BLTP1: variants seen among roughly 807,000 people sequenced by gnomAD.
The protein encoded by BLTP1 is bridge-like lipid transfer protein family member 1, also known as fragile site-associated protein.
chr4:122,237,473 C>A, the BLTP1 span: 2 of 616,784 alleles, frequency 3.2e-6, no homozygotes, highest in Non-Finnish European at 4.1e-6. Context: ...ATGATACAGT[C>A]CCTGTCAACA....
At chr4:122,266,239 C>A in the BLTP1 span, among the ~76,000 whole-genome samples, 77 of 152,332 alleles carry the variant, frequency 5.1e-4, 1 homozygote, top group Non-Finnish European at 1.0e-3. Context: ...CCAGAATAAT[C>A]TATCTCCATA....
At chr4:122,330,591 AT>A in the BLTP1 span, among the ~76,000 whole-genome samples, 1 of 151,860 alleles carries the variant, frequency 6.6e-6, no homozygotes, top group East Asian at 1.9e-4. Context: ...GAATGCTAGG[AT>A]TTTGTTACAT....
At chr4:122,328,446 AAAC>A in the BLTP1 span, 3 of 1,204,632 alleles carry the variant, frequency 2.5e-6, no homozygotes, top group South Asian at 4.9e-5. Context: ...CTTTTACAAA[AAAC>A]ATTTTTAATG....
chr4:122,196,520 A>G, the BLTP1 span: 1 of 793,638 alleles, frequency 1.3e-6, no homozygotes, highest in South Asian at 1.9e-5. Context: ...AAACAGTCTA[A>G]TTGTCAAATG....
the BLTP1 span, chr4:122,215,666 T>G: frequency 1.6e-6 from 1 of 606,398 alleles, no homozygotes; most frequent in Non-Finnish European, 2.1e-6. Context: ...AACTACTGCT[T>G]TGAACATCTT....
At chr4:122,325,729 C>A in the BLTP1 span, 1 of 822,594 alleles carries the variant, frequency 1.2e-6, no homozygotes, top group East Asian at 6.6e-5. Context: ...AAGTTGTATT[C>A]TAATTTCATA....
chr4:122,232,753 A>G, the BLTP1 span, among the ~76,000 whole-genome samples: 1 of 152,186 alleles, frequency 6.6e-6, no homozygotes, highest in Non-Finnish European at 1.5e-5. Flanking sequence ...CCAGAGAGAA[A>G]GATTACCTCA....
the BLTP1 span, chr4:122,209,930 T>A: frequency 6.2e-7 from 1 of 1,611,360 alleles, no homozygotes; most frequent in Non-Finnish European, 8.5e-7. Context: ...ATCATGTAAG[T>A]GTTTTTATAT....
chr4:122,275,407 G>A, the BLTP1 span, among the ~76,000 whole-genome samples: 4 of 151,912 alleles, frequency 2.6e-5, no homozygotes, highest in African/African-American at 9.7e-5. Flanking sequence ...ATACTCTTTC[G>A]ACCTTATAAT....
chr4:122,279,696 T>G, the BLTP1 span: 2 of 1,456,832 alleles, frequency 1.4e-6, no homozygotes, highest in East Asian at 4.9e-5. Context: ...AGTATTTTTC[T>G]TGCTCTCAAT....
chr4:122,354,827 C>T, the BLTP1 span, among the ~76,000 whole-genome samples: 574 of 151,874 alleles, frequency 3.8e-3, 5 homozygotes, highest in African/African-American at 0.012. Flanking sequence ...CCACCACGCC[C>T]GGCTAATTTT....
chr4:122,328,757 G>A, the BLTP1 span: 3 of 983,282 alleles, frequency 3.1e-6, no homozygotes, highest in East Asian at 3.4e-4. Flanking sequence ...AGCAATGGAT[G>A]AAAGACTTAA....
At chr4:122,328,039 T>C in the BLTP1 span, 4 of 1,219,014 alleles carry the variant, frequency 3.3e-6, no homozygotes, top group African/African-American at 4.7e-5. Context: ...TGTTTAAATT[T>C]ATATATTTTT....
At chr4:122,271,468 C>G in the BLTP1 span, 1 of 1,613,378 alleles carries the variant, frequency 6.2e-7, no homozygotes, top group Non-Finnish European at 8.5e-7. Context: ...ATGAGAATAA[C>G]AAAAAGGAAT....
chr4:122,337,622 A>T, the BLTP1 span, among the ~76,000 whole-genome samples: 1 of 151,920 alleles, frequency 6.6e-6, no homozygotes, highest in African/African-American at 2.4e-5. Flanking sequence ...TTTAAGTTAA[A>T]ACCCTTTTTT....
At chr4:122,270,766 T>A in the BLTP1 span, among the ~76,000 whole-genome samples, 1 of 152,116 alleles carries the variant, frequency 6.6e-6, no homozygotes, top group African/African-American at 2.4e-5. Flanking sequence ...TGAAATCATT[T>A]CTTAACATAA....
the BLTP1 span, chr4:122,152,525 C>T: frequency 1.0e-6 from 1 of 985,950 alleles, no homozygotes; most frequent in Non-Finnish European, 1.2e-6. Flanking sequence ...CCGCCCAAGG[C>T]CCTCGGCGTT....
chr4:122,257,287 G>A, the BLTP1 span: 97 of 1,613,894 alleles, frequency 6.0e-5, no homozygotes, highest in Admixed American at 1.0e-4. Flanking sequence ...TAACTTTGAA[G>A]AAAGGTTTAG....
the BLTP1 span, among the ~76,000 whole-genome samples, chr4:122,158,008 T>A: frequency 6.6e-6 from 1 of 152,164 alleles, no homozygotes; most frequent in African/African-American, 2.4e-5. Flanking sequence ...GGGTTCCTGA[T>A]CCAAGTGGCT....
Sources: allele counts gnomAD v4.1 joint callset (sites outside exome capture counted in the v4.1 genomes callset), GRCh38; gene constraint gnomAD v4.1.1; transcripts MANE v1.5; gene names NCBI Gene and HGNC (gene_info 2026-07-23, HGNC 2026-07-21).